The following HLA-DMB variants were observed in gnomAD, a reference collection of about 807,000 sequenced individuals.
The protein encoded by HLA-DMB is major histocompatibility complex, class II, DM beta, also known as HLA class II histocompatibility antigen, DM beta chain.
A neutral mutation model predicts 29.3 loss-of-function variants in HLA-DMB; 18 were observed. The ratio of observed to expected loss-of-function variants is 0.62; its 90% CI spans 0.43 to 0.91. The LOEUF is 0.91. Ranked by LOEUF, HLA-DMB falls within the 40% of genes least tolerant of loss-of-function variation. HLA-DMB has a pLI of 0.00. For missense variants in HLA-DMB, 258 were observed against 320.9 expected, an observed-to-expected ratio of 0.80 and a Z score of 1.50; for synonymous variants, 143 against 128.7, an observed-to-expected ratio of 1.11 and a Z score of -0.75.
chr6:32,935,272 C>T, intron 5 of HLA-DMB, 70 bp downstream of exon 5: 1 of 1,261,802 alleles, frequency 7.9e-7, no homozygotes, highest in Non-Finnish European at 1.2e-6. Context: ...TAGTTGAACC[C>T]AACACTGACC....
intron 1 of HLA-DMB, among the ~76,000 whole-genome samples, chr6:32,940,321 G>A (rs1476284452): frequency 6.6e-6 from 1 of 152,054 alleles, no homozygotes; most frequent in Non-Finnish European, 1.5e-5. Flanking sequence ...GATAGGAGTA[G>A]CCCCCCGAGA....
Position 32,935,948 on chromosome 6 carries a change from C to T in HLA-DMB, c.623-296G>A, listed in dbSNP as rs114056708. The T allele has an allele frequency of 2.4e-3, 1,054 of 438,912 alleles. 3 individuals carry two copies. The highest frequency in any genetic ancestry group is 3.8e-3 in the Non-Finnish European group (921 of 244,574). 27.2% of individuals were successfully genotyped at this position (438,912 alleles called of 1,614,324 possible). A position where few individuals can be genotyped will look rare whatever the true frequency, so the allele number is the denominator to read the frequency against. Reference sequence around the variant, plus strand: ...GGCATCCTCTTTCCTTCCTTTACCCCAAAGCCACCCTTATCAGGATAAAGG... The same window carrying T: ...GGCATCCTCTTTCCTTCCTTTACCCTAAAGCCACCCTTATCAGGATAAAGG... On this transcript the variant is annotated intron_variant, in intron 3 of 5. Coordinates refer to ENST00000418107, the MANE Select transcript of HLA-DMB (RefSeq NM_002118.5).
Position 32,937,851 on chromosome 6 carries a change from C to T in HLA-DMB, c.338-395G>A. On this transcript the variant is annotated intron_variant, in intron 2 of 5. Transcript: ENST00000418107. The surrounding 1 kb of genome is among the most constrained non-coding windows in gnomAD (Gnocchi z 4.1). ...TTTAAGGTGGAAAAGGAATTTTTCTCCAAATCTTGTTTAATACGTTCTTTT... is the reference window on the plus strand; with the variant it reads ...TTTAAGGTGGAAAAGGAATTTTTCTTCAAATCTTGTTTAATACGTTCTTTT... The T allele has an allele frequency of 5.2e-6, 1 of 191,916 alleles. No individual in the cohort carries two copies. Among genetic ancestry groups the T allele is most frequent in the Non-Finnish European group, 1.1e-5 (1 of 94,502 alleles). 11.9% of individuals were successfully genotyped at this position (191,916 alleles called of 1,614,324 possible).
In HLA-DMB at chr6:32,938,823, A is replaced by G; in HGVS notation, c.198T>C (p.Phe66=). The change falls in exon 2 of 6, where the codon TTT becomes TTC. Residue 66 remains phenylalanine (F), a synonymous_variant. Coordinates refer to ENST00000418107, the MANE Select transcript of HLA-DMB (RefSeq NM_002118.5). ...PEENKMAPCE[F]GVLNSLANVL... is the part of the protein sequence containing the mutation. ...CATTCGCCAAGCTATTCAGCACCCC[A>G]AATTCGCAAGGGGCCATCTTATTCT... is the stretch of plus-strand genomic sequence containing the variant. The G allele has an allele frequency of 1.9e-6, 3 of 1,612,206 alleles. No homozygotes were observed. Among genetic ancestry groups the G allele is most frequent in the Non-Finnish European group, 2.5e-6 (3 of 1,179,660 alleles).
intron 3 of HLA-DMB, 173 bp downstream of exon 3, chr6:32,936,999 A>C: frequency 2.1e-6 from 1 of 485,928 alleles, no homozygotes; most frequent in Non-Finnish European, 3.5e-6. Flanking sequence ...GCACCAACCT[A>C]AATATTTCCA....
intron 1 of HLA-DMB, among the ~76,000 whole-genome samples, chr6:32,939,830 G>A (rs1776243401): frequency 6.6e-6 from 1 of 152,100 alleles, no homozygotes; most frequent in Non-Finnish European, 1.5e-5. Flanking sequence ...CCAACCCCAA[G>A]GAGGGGGTCA....
chr6:32,937,489 AGGGT>A lies in HLA-DMB; in HGVS notation c.338-37_338-34del. 1 of 1,587,984 alleles carries A rather than the reference AGGGT, an allele frequency of 6.3e-7. No individual in the cohort carries two copies. The highest frequency in any genetic ancestry group is 8.6e-7 in the Non-Finnish European group (1 of 1,163,408). ...GGAGAAAAAAACATGTTTAGGAAGG[AGGGT>A]GACATTCTGGCTGCTTCCTCAACCT... On this transcript the variant is annotated intron_variant, in intron 2 of 5. Coordinates refer to ENST00000418107, the MANE Select transcript of HLA-DMB (RefSeq NM_002118.5). The surrounding 1 kb of genome is among the most constrained non-coding windows in gnomAD (Gnocchi z 4.1).
At position 32,937,646 on chromosome 6, in the gene HLA-DMB, A is replaced by G. The variant is rs1776089455; in HGVS notation, c.338-190T>C. 1 of 579,222 alleles carries G rather than the reference A, an allele frequency of 1.7e-6. No individual in the cohort carries two copies. Among genetic ancestry groups the G allele is most frequent in the Admixed American group, 3.1e-5 (1 of 31,832 alleles). The allele number at this position is 579,222 out of a possible 1,614,324, so 35.9% of individuals were successfully genotyped here. A position where few individuals can be genotyped will look rare whatever the true frequency, so the allele number is the denominator to read the frequency against. On this transcript the variant is annotated intron_variant, in intron 2 of 5. Transcript: ENST00000418107. This position sits in a 1 kb window ranked among gnomAD's most constrained non-coding sequence, Gnocchi z 4.1. ...CCTGCATTACTCTTTCTTCTCTCCC[A>G]TTCCTTCATTGCCCCTTTCTTTCTT...
chr6:32,939,713 C>T (rs1776235226), intron 1 of HLA-DMB, among the ~76,000 whole-genome samples: 1 of 152,076 alleles, frequency 6.6e-6, no homozygotes, highest in Non-Finnish European at 1.5e-5. Flanking sequence ...TCATTATCCA[C>T]CCCATGAATA....
At chr6:32,935,238 G>A (rs1775934242) in intron 5 of HLA-DMB, 104 bp downstream of exon 5, 2 of 988,578 alleles carry the variant, frequency 2.0e-6, no homozygotes, top group Non-Finnish European at 1.6e-6. Context: ...CCTCATGGAA[G>A]CTCACCCATA....
chr6:32,934,923 A>C lies in HLA-DMB; in HGVS notation c.*48T>G. Reference sequence around the variant, plus strand: ...TTGGAGAGGCATGGTAGCATCATTGAGTTTGAATCTCCTTCTCACTTGGAG... The same window carrying C: ...TTGGAGAGGCATGGTAGCATCATTGCGTTTGAATCTCCTTCTCACTTGGAG... On this transcript the variant is annotated 3_prime_UTR_variant, in exon 6 of 6. Coordinates refer to ENST00000418107, the MANE Select transcript of HLA-DMB (RefSeq NM_002118.5). 1 of 1,572,054 alleles carries C rather than the reference A, an allele frequency of 6.4e-7. No individual in the cohort carries two copies. Among genetic ancestry groups the C allele is most frequent in the Admixed American group, 1.7e-5 (1 of 59,940 alleles).
Position 32,937,445 on chromosome 6 carries a change from C to A in HLA-DMB, c.349G>T (p.Val117Leu). 1 of 1,613,702 alleles carries A rather than the reference C, an allele frequency of 6.2e-7. No homozygotes were observed. ...SLTNRTRPPS[V>L]QVAKTTPFNT... The stretch of plus-strand genomic sequence containing the variant: ...AAAGGAGTGGTTTTGGCTACTTGCA[C>A]AGATGGTGGCCCTGCATAGGAGAAA... The change falls in exon 3 of 6, where the codon GTG becomes TTG. Residue 117 changes from valine to leucine, a missense_variant. Transcript: ENST00000418107. This position sits in a 1 kb window ranked among gnomAD's most constrained non-coding sequence, Gnocchi z 4.1.
intron 3 of HLA-DMB, chr6:32,936,626 G>GTGGC (rs1776012580): frequency 6.6e-6 from 1 of 152,492 alleles, no homozygotes; most frequent in Non-Finnish European, 1.5e-5. Context: ...TCTGCCAGCC[G>GTGGC]TGGCTTTACT....
At position 32,937,296 on chromosome 6, in the gene HLA-DMB, G is replaced by A. The variant is rs990861866; in HGVS notation, c.498C>T (p.Ala166=). 5 of 1,614,036 alleles carry A rather than the reference G, an allele frequency of 3.1e-6. No homozygotes were observed. The Admixed American group carries it at 5.0e-5, about 16-fold the overall frequency. Residue 166 remains alanine (A), a synonymous_variant, in exon 3 of 6, where the codon GCC becomes GCT. Coordinates refer to ENST00000418107, the MANE Select transcript of HLA-DMB (RefSeq NM_002118.5). This position sits in a 1 kb window ranked among gnomAD's most constrained non-coding sequence, Gnocchi z 4.1. ...VMPHSSAHKT[A]QPNGDWTYQT... is the part of the protein sequence containing the mutation. ...GGTATGTCCAGTCTCCATTGGGCTG[G>A]GCAGTCTTGTGCGCACTGCTGTGAG...
In HLA-DMB at chr6:32,937,706, A is replaced by G. The variant is rs1399763138; in HGVS notation, c.338-250T>C. ...AGAATTATGTTTGATTACAATTAGT[A>G]AAAGCCAGATCTGAACTGCAAGCTG... On this transcript the variant is annotated intron_variant, in intron 2 of 5. Coordinates refer to ENST00000418107, the MANE Select transcript of HLA-DMB (RefSeq NM_002118.5). The surrounding 1 kb of genome is among the most constrained non-coding windows in gnomAD (Gnocchi z 4.1). The G allele has an allele frequency of 3.6e-6, 2 of 551,384 alleles. No homozygotes were observed. Among genetic ancestry groups the G allele is most frequent in the African/African-American group, 3.8e-5 (2 of 53,170 alleles). 34.2% of individuals were successfully genotyped at this position (551,384 alleles called of 1,614,324 possible).
chr6:32,934,941 A>C lies in HLA-DMB; in HGVS notation c.*30T>G. 6.2e-7 allele frequency: 1 copy of C among 1,607,834 alleles called. No individual in the cohort carries two copies. Among genetic ancestry groups the C allele is most frequent in the Non-Finnish European group, 8.5e-7 (1 of 1,175,364 alleles). On this transcript the variant is annotated 3_prime_UTR_variant, in exon 6 of 6. Coordinates refer to ENST00000418107, the MANE Select transcript of HLA-DMB (RefSeq NM_002118.5). Reference sequence around the variant, plus strand: ...ATCATTGAGTTTGAATCTCCTTCTCACTTGGAGTGGAAGTTGTAGGATTCT... The same window carrying C: ...ATCATTGAGTTTGAATCTCCTTCTCCCTTGGAGTGGAAGTTGTAGGATTCT...
In HLA-DMB at chr6:32,937,123, T is replaced by G; in HGVS notation, c.622+49A>C. On this transcript the variant is annotated intron_variant, in intron 3 of 5. Transcript: ENST00000418107. The surrounding 1 kb of genome is among the most constrained non-coding windows in gnomAD (Gnocchi z 4.1). The stretch of plus-strand genomic sequence containing the variant: ...CATGTACCATGTATCGATCCACATC[T>G]CATTTTCTCTGCTTTGACCCTAATT... The G allele has an allele frequency of 2.0e-6, 3 of 1,483,958 alleles. No homozygotes were observed. In the South Asian group the frequency reaches 4.0e-5, roughly 20 times the overall value. The allele number at this position is 1,483,958 out of a possible 1,614,324, so 91.9% of individuals were successfully genotyped here. A position where few individuals can be genotyped will look rare whatever the true frequency, so the allele number is the denominator to read the frequency against.
Position 32,937,601 on chromosome 6 carries a change from G to T in HLA-DMB, c.338-145C>A. The stretch of plus-strand genomic sequence containing the variant: ...CCCTCTGCCATGCTGCCCCTTGAAG[G>T]GGAACCGTTAGAATGTATTCCTGCA... On this transcript the variant is annotated intron_variant, in intron 2 of 5. Coordinates refer to ENST00000418107, the MANE Select transcript of HLA-DMB (RefSeq NM_002118.5). This position sits in a 1 kb window ranked among gnomAD's most constrained non-coding sequence, Gnocchi z 4.1. 1.5e-6 allele frequency: 1 copy of T among 666,610 alleles called. No individual in the cohort carries two copies. The allele number at this position is 666,610 out of a possible 1,614,324, so 41.3% of individuals were successfully genotyped here.
At position 32,937,290 on chromosome 6, in the gene HLA-DMB, G is replaced by A; in HGVS notation, c.504C>T (p.Pro168=). ...PHSSAHKTAQ[P]NGDWTYQTLS... is the part of the protein sequence containing the mutation. ...GGGTCTGGTATGTCCAGTCTCCATT[G>A]GGCTGGGCAGTCTTGTGCGCACTGC... Residue 168 remains proline (P), a synonymous_variant, in exon 3 of 6, where the codon CCC becomes CCT. Transcript: ENST00000418107. The surrounding 1 kb of genome is among the most constrained non-coding windows in gnomAD (Gnocchi z 4.1). 1 of 1,614,138 alleles carries A rather than the reference G, an allele frequency of 6.2e-7. No individual in the cohort carries two copies. The highest frequency in any genetic ancestry group is 8.5e-7 in the Non-Finnish European group (1 of 1,180,014).
Sources: allele counts gnomAD v4.1 joint callset (sites outside exome capture counted in the v4.1 genomes callset), GRCh38; gene constraint gnomAD v4.1.1; non-coding constraint Gnocchi (gnomAD v3.1); transcripts MANE v1.5; gene names NCBI Gene and HGNC (gene_info 2026-07-23, HGNC 2026-07-21).